Variants in TEX29 observed in about 807,000 individuals in gnomAD.
The protein encoded by TEX29 is testis expressed 29, also known as testis-expressed protein 29.
TEX29 carries 26 observed loss-of-function variants against 18.2 expected under a neutral mutation model. The observed-to-expected ratio is 1.43, with a 90% CI of 1.04 to 1.98. The LOEUF (loss-of-function observed/expected upper bound fraction) is 1.98. TEX29 is among the 30% of genes most tolerant of loss of function. The probability of loss-of-function intolerance (pLI) is 0.00; values close to 1 mark genes in which losing one functional copy is unlikely to be tolerated. For missense variants in TEX29, 177 were observed against 194.2 expected (o/e 0.91, Z 0.53); for synonymous variants, 83 against 78.5 (o/e 1.06, Z -0.31).
At chr13:111,330,491 A>G (rs1267741206) in intron 3 of TEX29, among the ~76,000 whole-genome samples, 1 of 152,206 alleles carries the variant, frequency 6.6e-6, no homozygotes, top group Non-Finnish European at 1.5e-5. Flanking sequence ...CCCAGCCTCC[A>G]CTTCCAGGAG....
upstream of TEX29, chr13:111,320,545 C>T (rs796776033): frequency 6.7e-5 from 25 of 375,310 alleles, no homozygotes; most frequent in African/African-American, 3.7e-4. Context: ...GACACGCACA[C>T]GGCTCCGAAG....
intron 3 of TEX29, among the ~76,000 whole-genome samples, chr13:111,332,554 C>T: frequency 6.6e-6 from 1 of 152,010 alleles, no homozygotes; most frequent in East Asian, 1.9e-4. Flanking sequence ...ACTAAAACCT[C>T]CAGTACAATG....
intron 3 of TEX29, among the ~76,000 whole-genome samples, chr13:111,334,237 T>C (rs1281442876): frequency 1.3e-5 from 2 of 152,212 alleles, no homozygotes; most frequent in Non-Finnish European, 2.9e-5. Context: ...CCAGGTTTTA[T>C]TGTTGCTGCT....
At chr13:111,321,076 G>C in intron 2 of TEX29, 128 bp downstream of exon 2, 2 of 1,027,592 alleles carry the variant, frequency 1.9e-6, no homozygotes, top group Non-Finnish European at 1.4e-6. Context: ...AGGAGGGCAA[G>C]GCAGCAAAAT....
At chr13:111,320,990 G>GGGGGGGCTC in intron 2 of TEX29, 42 bp downstream of exon 2, 1 of 404,332 alleles carries the variant, frequency 2.5e-6, no homozygotes, top group Non-Finnish European at 4.5e-6. Context: ...GGGTGGGGGA[G>GGGGGGGCTC]CAGTTGGGGG....
intron 3 of TEX29, among the ~76,000 whole-genome samples, chr13:111,336,383 T>C (rs1343012627): frequency 6.6e-6 from 1 of 152,268 alleles, no homozygotes; most frequent in Non-Finnish European, 1.5e-5. Flanking sequence ...TGACAGGGTA[T>C]TATGAGCTCT....
At chr13:111,343,593 C>T (rs1409547309) in intron 5 of TEX29, among the ~76,000 whole-genome samples, 2 of 152,294 alleles carry the variant, frequency 1.3e-5, no homozygotes, top group South Asian at 2.1e-4. Context: ...GGTTGCTTTT[C>T]CTAGATCAGC....
intron 2 of TEX29, among the ~76,000 whole-genome samples, chr13:111,325,327 A>C (rs919483764): frequency 6.6e-6 from 1 of 152,244 alleles, no homozygotes; most frequent in Admixed American, 6.5e-5. Flanking sequence ...CCTGCGCTCC[A>C]GCCGTCCTGG....
chr13:111,327,077 A>C (rs920991884), intron 2 of TEX29, among the ~76,000 whole-genome samples: 2 of 152,046 alleles, frequency 1.3e-5, no homozygotes, highest in Non-Finnish European at 2.9e-5. Context: ...ACCTCTCCCT[A>C]CATGGTAGGT....
chr13:111,333,657 T>C (rs995531409), intron 3 of TEX29, among the ~76,000 whole-genome samples: 4 of 152,252 alleles, frequency 2.6e-5, no homozygotes, highest in African/African-American at 9.6e-5. Flanking sequence ...CCGGGTAATT[T>C]ATAAAGGAAA....
At chr13:111,330,760 A>G (rs1377807607) in intron 3 of TEX29, among the ~76,000 whole-genome samples, 3 of 152,100 alleles carry the variant, frequency 2.0e-5, no homozygotes, top group Non-Finnish European at 4.4e-5. Context: ...CCTGGCAGCC[A>G]CTCATCTGTC....
At chr13:111,339,149 G>C in intron 3 of TEX29, 1 of 420,092 alleles carries the variant, frequency 2.4e-6, no homozygotes, top group African/African-American at 2.0e-5. Flanking sequence ...GCTGCCCCTC[G>C]TGGCCACCTG....
chr13:111,318,546 C>T (rs1030485657), upstream of TEX29, among the ~76,000 whole-genome samples: 3 of 152,324 alleles, frequency 2.0e-5, no homozygotes, highest in African/African-American at 7.2e-5. Context: ...GTCCCTGCCG[C>T]CCCCAGCCAG....
chr13:111,318,405 G>A (rs543245779), upstream of TEX29, among the ~76,000 whole-genome samples: 6 of 152,322 alleles, frequency 3.9e-5, no homozygotes, highest in South Asian at 1.0e-3. Flanking sequence ...ACGGGACTCA[G>A]GACCCATATA....
rs937278428 is a variant in TEX29 at position 111,326,154 on chromosome 13, C to G, written c.59-2029C>G. 2.7e-5 allele frequency among the ~76,000 whole-genome samples: 4 copies of G among 148,838 alleles called. No homozygotes were observed. The Admixed American group carries it at 2.7e-4, about 10-fold the overall frequency. On this transcript the variant is annotated intron_variant, in intron 2 of 5. Transcript: ENST00000283547. ...TTCCCAGATGGGGTGGAAGAGCGTT[C>G]GGGCATCACGAGCTGGGTGCTGGCT...
chr13:111,329,552 A>G (rs958147848), intron 3 of TEX29, among the ~76,000 whole-genome samples: 1 of 151,676 alleles, frequency 6.6e-6, no homozygotes, highest in African/African-American at 2.4e-5. Context: ...TGAGTGACTG[A>G]TGGAAATTTC....
chr13:111,325,345 G>A (rs984940823), intron 2 of TEX29, among the ~76,000 whole-genome samples: 13 of 152,264 alleles, frequency 8.5e-5, no homozygotes, highest in Non-Finnish European at 1.5e-4. Flanking sequence ...TGGCTGTGGT[G>A]TGGGGGGTGT....
At chr13:111,319,352 T>C (rs1265540986), upstream of TEX29, among the ~76,000 whole-genome samples, 1 of 152,180 alleles carries the variant, frequency 6.6e-6, no homozygotes, top group Non-Finnish European at 1.5e-5. Context: ...CTAAGCGAAA[T>C]GTGGCATGTC....
At chr13:111,323,319 A>C (rs2093667767) in intron 2 of TEX29, among the ~76,000 whole-genome samples, 1 of 152,198 alleles carries the variant, frequency 6.6e-6, no homozygotes, top group South Asian at 2.1e-4. Flanking sequence ...GGAAATGAGG[A>C]TGGGAGGATG....
Sources: gnomAD v4.1 joint callset for allele counts (sites outside exome capture counted in the v4.1 genomes callset) on GRCh38, gnomAD v4.1.1 for gene constraint, MANE v1.5 for transcripts, NCBI Gene and HGNC (gene_info 2026-07-23, HGNC 2026-07-21) for gene names.